The following INTS3 variants were observed in gnomAD, a reference collection of about 807,000 sequenced individuals.
The protein encoded by INTS3 is integrator complex subunit 3.
In INTS3, 34 loss-of-function variants were observed where a neutral mutation model predicts 146.3. The observed-to-expected ratio is 0.23, with a 90% CI of 0.18 to 0.31. The LOEUF (loss-of-function observed/expected upper bound fraction) is 0.31. Among genes scored for constraint, INTS3 ranks in the 10% least tolerant of loss-of-function variants. The pLI is 1.00. For missense variants in INTS3, 757 were observed against 1,304.2 expected (o/e 0.58, Z 6.46); for synonymous variants, 475 against 494.9 (o/e 0.96, Z 0.53).
intron 10 of INTS3, among the ~76,000 whole-genome samples, chr1:153,759,144 G>A (rs1217740680): frequency 6.6e-6 from 1 of 151,612 alleles, no homozygotes; most frequent in Non-Finnish European, 1.5e-5. Context: ...AATGAGCCAG[G>A]TGAGGTGGTG....
At position 153,734,375 on chromosome 1, in the gene INTS3, T is replaced by C. The variant is rs143790461; in HGVS notation, c.150+5591T>C. Reference sequence around the variant, plus strand: ...ATTTTCCCATCCCTGTTTGGAAAAGTAATTTCTGTAGTCCAGGAAGAGTAA... The same window carrying C: ...ATTTTCCCATCCCTGTTTGGAAAAGCAATTTCTGTAGTCCAGGAAGAGTAA... On this transcript the variant is annotated intron_variant, in intron 1 of 29. Coordinates refer to ENST00000318967, the MANE Select transcript of INTS3 (RefSeq NM_023015.5). Among the ~76,000 whole-genome samples the C allele has an allele frequency of 3.0e-3, 455 of 152,348 alleles. 4 individuals carry two copies. The highest frequency in any genetic ancestry group is 0.011 in the African/African-American group (439 of 41,582).
rs2101821453 is a variant in INTS3 at position 153,764,113 on chromosome 1, C to T, written c.1822-5C>T. The T allele has an allele frequency of 3.1e-6, 5 of 1,611,740 alleles. No individual in the cohort carries two copies. The highest frequency in any genetic ancestry group is 4.2e-6 in the Non-Finnish European group (5 of 1,177,890). ...TGACTCTCCCTCCCTTGTCTCATCA[C>T]CCAGGAAGACTTTGACTCGGAGCAG... On this transcript the variant is annotated splice_polypyrimidine_tract_variant and splice_region_variant and intron_variant, in intron 17 of 29. Coordinates refer to ENST00000318967, the MANE Select transcript of INTS3 (RefSeq NM_023015.5).
intron 21 of INTS3, among the ~76,000 whole-genome samples, 166 bp from the exon 22 acceptor site, chr1:153,768,727 A>C (rs1441283796): frequency 6.6e-6 from 1 of 152,196 alleles, no homozygotes; most frequent in Admixed American, 6.5e-5. Context: ...AAGTTCTTGA[A>C]GTCTTCCAGC....
intron 3 of INTS3, among the ~76,000 whole-genome samples, chr1:153,742,786 A>G (rs1379399544): frequency 1.3e-5 from 2 of 152,242 alleles, no homozygotes; most frequent in Non-Finnish European, 1.5e-5. Flanking sequence ...GCAAGAGACT[A>G]GAGTATCTCC....
At chr1:153,740,147 T>G (rs1024150457) in intron 1 of INTS3, among the ~76,000 whole-genome samples, 2 of 152,022 alleles carry the variant, frequency 1.3e-5, no homozygotes, top group Non-Finnish European at 2.9e-5. Context: ...TCACCCAGGC[T>G]GGAGTGCAAT....
chr1:153,772,608 TC>T lies in INTS3; in HGVS notation c.2822-29del. ...AAGCTCCCAGACATCTGATTGTTTTTCCTTCCCTGCTCTCCCTTTTCTTCCT... is the reference window on the plus strand; with the variant it reads ...AAGCTCCCAGACATCTGATTGTTTTTCTTCCCTGCTCTCCCTTTTCTTCCT... On this transcript the variant is annotated intron_variant, in intron 27 of 29. Coordinates refer to ENST00000318967, the MANE Select transcript of INTS3 (RefSeq NM_023015.5). The surrounding 1 kb of genome is among the most constrained non-coding windows in gnomAD (Gnocchi z 4.6). The T allele has an allele frequency of 6.2e-7, 1 of 1,614,116 alleles. No homozygotes were observed. The highest frequency in any genetic ancestry group is 8.5e-7 in the Non-Finnish European group (1 of 1,179,966).
chr1:153,768,838 G>A, intron 21 of INTS3, 55 bp from the exon 22 acceptor site: 2 of 1,363,276 alleles, frequency 1.5e-6, no homozygotes, highest in Admixed American at 1.7e-5. Flanking sequence ...AGTGGGCTAT[G>A]GGATAAAAGC....
intron 6 of INTS3, among the ~76,000 whole-genome samples, chr1:153,749,870 C>T (rs1671891429): frequency 6.6e-6 from 1 of 152,158 alleles, no homozygotes; most frequent in Non-Finnish European, 1.5e-5. Context: ...TGTCCCCATA[C>T]CTTAAAGCTG....
At chr1:153,764,082 A>C in intron 17 of INTS3, 36 bp from the exon 18 acceptor site, 3 of 1,535,544 alleles carry the variant, frequency 2.0e-6, no homozygotes, top group Non-Finnish European at 2.7e-6. Flanking sequence ...GCTTGGGTGT[A>C]GGTAGTGACT....
intron 10 of INTS3, among the ~76,000 whole-genome samples, chr1:153,759,273 G>GA (rs1309027549): frequency 1.9e-5 from 2 of 106,256 alleles, no homozygotes; most frequent in Non-Finnish European, 2.0e-5. Context: ...GACCCTGTCT[G>GA]GAAAAAAAAA....
At position 153,760,701 on chromosome 1, in the gene INTS3, G is replaced by C. The variant is rs1672351778; in HGVS notation, c.1318-126G>C. ...TGGCCTGGAGTGGTCAGGAAGTCCA[G>C]TTCTCTCTGCAGCCATACTCCCCAG... On this transcript the variant is annotated intron_variant, in intron 12 of 29. Coordinates refer to ENST00000318967, the MANE Select transcript of INTS3 (RefSeq NM_023015.5). 3.8e-6 allele frequency: 3 copies of C among 792,866 alleles called. No individual in the cohort carries two copies. In the South Asian group the frequency reaches 4.6e-5, roughly 12 times the overall value. The allele number at this position is 792,866 out of a possible 1,614,324, so 49.1% of individuals were successfully genotyped here. A position where few individuals can be genotyped will look rare whatever the true frequency, so the allele number is the denominator to read the frequency against.
rs1041288898 is a variant in INTS3, at chr1:153,765,165, T to G, written c.2090+102T>G. 10 of 1,269,420 alleles carry G rather than the reference T, an allele frequency of 7.9e-6. No individual in the cohort carries two copies. The African/African-American group carries it at 1.0e-4, about 13-fold the overall frequency. 78.6% of individuals were successfully genotyped at this position (1,269,420 alleles called of 1,614,324 possible). A position where few individuals can be genotyped will look rare whatever the true frequency, so the allele number is the denominator to read the frequency against. ...ACCCTGGACTGTCATCACCAGGGCC[T>G]TCTTTGTGGGTCTGTTTGGTTGAGT... On this transcript the variant is annotated intron_variant, in intron 20 of 29. Transcript: ENST00000318967.
chr1:153,760,249 AAAAAAAAAAG>A, intron 11 of INTS3, 52 bp from the exon 12 acceptor site: 1 of 1,005,542 alleles, frequency 9.9e-7, no homozygotes. Context: ...AAAAAAAAAA[AAAAAAAAAAG>A]AGAGAGAGAG....
intron 22 of INTS3, 103 bp from the exon 23 acceptor site, chr1:153,769,666 A>ATT: frequency 3.5e-5 from 20 of 570,804 alleles, no homozygotes; most frequent in Middle Eastern, 4.1e-4. Context: ...ACTTCCTCTA[A>ATT]TTTTTTTTTT....
Position 153,772,582 on chromosome 1 carries a change from T to C in INTS3, c.2822-57T>C. On this transcript the variant is annotated intron_variant, in intron 27 of 29. Coordinates refer to ENST00000318967, the MANE Select transcript of INTS3 (RefSeq NM_023015.5). This position sits in a 1 kb window ranked among gnomAD's most constrained non-coding sequence, Gnocchi z 4.6. The stretch of plus-strand genomic sequence containing the variant: ...AAAACAACCTGTGCGTGCTGTTTAA[T>C]AAGCTCCCAGACATCTGATTGTTTT... 1 of 1,613,264 alleles carries C rather than the reference T, an allele frequency of 6.2e-7. No individual in the cohort carries two copies. Among genetic ancestry groups the C allele is most frequent in the Middle Eastern group, 1.6e-4 (1 of 6,062 alleles).
In INTS3 at chr1:153,773,339, G is replaced by C; in HGVS notation, c.*69G>C. On this transcript the variant is annotated 3_prime_UTR_variant, in exon 30 of 30. Transcript: ENST00000318967. ...CTTCTTGGTGATTCAAAGGTTAATA[G>C]AGGCTGAGGAGATTGCAGGGGAAAC... The C allele has an allele frequency of 7.2e-7, 1 of 1,394,286 alleles. No individual in the cohort carries two copies. The highest frequency in any genetic ancestry group is 1.8e-4 in the Middle Eastern group (1 of 5,586). 86.4% of individuals were successfully genotyped at this position (1,394,286 alleles called of 1,614,324 possible).
Position 153,757,585 on chromosome 1 carries a change from A to G in INTS3, c.971A>G (p.Gln324Arg). Residue 324 changes from glutamine to arginine, a missense_variant, in exon 10 of 30, where the codon CAA (glutamine) becomes CGA (arginine). Physicochemically the swap from Gln to Arg is conservative, Grantham distance 43 (BLOSUM62 1). This residue lies in a region of INTS3 where 134 missense variants were observed against 243.1 expected (regional missense o/e 0.55). Transcript: ENST00000318967. This position sits in a 1 kb window ranked among gnomAD's most constrained non-coding sequence, Gnocchi z 4.0. ...LFMTSRVRFG[Q>R]QKRYQDWFQR... Reference sequence around the variant, plus strand: ...CCCTTTCCCCAGGTGCGATTTGGTCAACAAAAGCGATACCAAGATTGGTTC... The same window carrying G: ...CCCTTTCCCCAGGTGCGATTTGGTCGACAAAAGCGATACCAAGATTGGTTC... 1.9e-6 allele frequency: 3 copies of G among 1,613,548 alleles called. No individual in the cohort carries two copies. Among genetic ancestry groups the G allele is most frequent in the Non-Finnish European group, 2.5e-6 (3 of 1,179,472 alleles).
In INTS3 at chr1:153,757,439, G is replaced by T; in HGVS notation, c.958-133G>T. 1 of 695,180 alleles carries T rather than the reference G, an allele frequency of 1.4e-6. No homozygotes were observed. The highest frequency in any genetic ancestry group is 2.4e-6 in the Non-Finnish European group (1 of 408,214). 43.1% of individuals were successfully genotyped at this position (695,180 alleles called of 1,614,324 possible). A position where few individuals can be genotyped will look rare whatever the true frequency, so the allele number is the denominator to read the frequency against. ...TAAAGGAGGGGAGACTTACGAGACA[G>T]TATGAGCTAATGAATGAATTGTGGA... On this transcript the variant is annotated intron_variant, in intron 9 of 29. Transcript: ENST00000318967. This position sits in a 1 kb window ranked among gnomAD's most constrained non-coding sequence, Gnocchi z 4.0.
intron 20 of INTS3, 125 bp downstream of exon 20, chr1:153,765,188 A>C: frequency 9.5e-7 from 1 of 1,057,996 alleles, no homozygotes; most frequent in Non-Finnish European, 1.4e-6. Flanking sequence ...TGTTTGGTTG[A>C]GTTGGTTTGT....
Sources: allele counts gnomAD v4.1 joint callset (sites outside exome capture counted in the v4.1 genomes callset), GRCh38; gene constraint gnomAD v4.1.1; regional missense constraint gnomAD v4.1.1; non-coding constraint Gnocchi (gnomAD v3.1); transcripts MANE v1.5; gene names NCBI Gene and HGNC (gene_info 2026-07-23, HGNC 2026-07-21).